SORCS2: variants seen among roughly 807,000 people sequenced by gnomAD.
The protein encoded by SORCS2 is VPS10 domain-containing receptor SorCS2.
A neutral mutation model predicts 141.6 loss-of-function variants in SORCS2; 100 were observed. The ratio of observed to expected loss-of-function variants is 0.71; its 90% CI spans 0.60 to 0.83. SORCS2 has a LOEUF of 0.83. Among genes scored for constraint, SORCS2 ranks in the 40% least tolerant of loss-of-function variants. SORCS2 has a pLI of 0.00. For missense variants in SORCS2, 1,646 were observed against 1,560.2 expected (o/e 1.05, Z -0.93); for synonymous variants, 789 against 676.9 (o/e 1.17, Z -2.57).
At chr4:7,710,422 G>GC (rs201766188) in intron 14 of SORCS2, among the ~76,000 whole-genome samples, 8,544 of 152,134 alleles carry the variant, frequency 0.056, 795 homozygotes, top group African/African-American at 0.19. Context: ...ACCAGTGGCT[G>GC]TTGCTGCTGC....
intron 2 of SORCS2, among the ~76,000 whole-genome samples, chr4:7,429,046 C>T (rs947567090): frequency 6.6e-5 from 10 of 152,072 alleles, no homozygotes; most frequent in African/African-American, 1.9e-4. Context: ...ATTTCACAGA[C>T]GAGGAAAATG....
rs995303619 is a variant in SORCS2, at chr4:7,676,156, G to T, written c.1268G>T (p.Arg423Leu). The T allele has an allele frequency of 1.3e-6, 2 of 1,561,672 alleles. No homozygotes were observed. The highest frequency in any genetic ancestry group is 3.8e-5 in the Admixed American group (2 of 52,352). Reference sequence around the variant, plus strand: ...TACCAGTCGGACCCACGGGGCGTGCGCTACGCGCTGGTGCTGCAGGACGTG... The same window carrying T: ...TACCAGTCGGACCCACGGGGCGTGCTCTACGCGCTGGTGCTGCAGGACGTG... ...NLYQSDPRGV[R>L]YALVLQDVRS... Residue 423 changes from arginine (R) to leucine (L), a missense_variant, in exon 9 of 27, where the codon CGC becomes CTC. Arg to Leu is a moderately radical substitution (Grantham distance 102, BLOSUM62 -2). Transcript: ENST00000507866.
chr4:7,216,682 CT>C (rs892654406), intron 1 of SORCS2, among the ~76,000 whole-genome samples: 1 of 152,172 alleles, frequency 6.6e-6, no homozygotes, highest in African/African-American at 2.4e-5. Flanking sequence ...CTGCCTCCCT[CT>C]TTTAAGGACC....
intron 3 of SORCS2, among the ~76,000 whole-genome samples, chr4:7,610,167 C>T (rs1032210802): frequency 6.6e-6 from 1 of 152,182 alleles, no homozygotes; most frequent in Non-Finnish European, 1.5e-5. Flanking sequence ...AACTACTGAA[C>T]AGCAAATGTG....
chr4:7,685,486 C>T (rs1006140983), intron 10 of SORCS2, among the ~76,000 whole-genome samples: 1 of 152,188 alleles, frequency 6.6e-6, no homozygotes, highest in Admixed American at 6.5e-5. Context: ...GCCTGGCCAA[C>T]ATGATGAAAC....
chr4:7,390,126 AG>A (rs1372823651), intron 1 of SORCS2, among the ~76,000 whole-genome samples: 2 of 152,180 alleles, frequency 1.3e-5, no homozygotes, highest in Admixed American at 1.3e-4. Context: ...GCGGGCTTTC[AG>A]GGGCCTTGGA....
chr4:7,623,760 T>C (rs1719353160), intron 3 of SORCS2, among the ~76,000 whole-genome samples: 1 of 152,244 alleles, frequency 6.6e-6, no homozygotes, highest in African/African-American at 2.4e-5. Context: ...CTGCCGCTTA[T>C]GCGCTTTGTC....
At chr4:7,667,701 G>A (rs950704265) in intron 8 of SORCS2, among the ~76,000 whole-genome samples, 3 of 152,188 alleles carry the variant, frequency 2.0e-5, no homozygotes, top group African/African-American at 7.2e-5. Flanking sequence ...ATGCTGCCTG[G>A]CATATAGTAG....
intron 1 of SORCS2, among the ~76,000 whole-genome samples, chr4:7,321,087 G>A (rs1718867072): frequency 6.6e-6 from 1 of 152,056 alleles, no homozygotes; most frequent in Non-Finnish European, 1.5e-5. Context: ...TATCCCTCAA[G>A]CCCGTCACTC....
At chr4:7,702,731 G>T (rs1347121567) in intron 12 of SORCS2, among the ~76,000 whole-genome samples, 2 of 152,240 alleles carry the variant, frequency 1.3e-5, no homozygotes, top group African/African-American at 4.8e-5. Flanking sequence ...GGCACAGAAG[G>T]CTCACAAGTG....
intron 1 of SORCS2, among the ~76,000 whole-genome samples, chr4:7,225,871 G>A (rs576493684): frequency 6.6e-6 from 1 of 152,318 alleles, no homozygotes; most frequent in African/African-American, 2.4e-5. Context: ...GGGGGTTCCT[G>A]CAGAGAAGGC....
At chr4:7,642,588 G>A (rs544324204) in intron 4 of SORCS2, among the ~76,000 whole-genome samples, 3 of 152,324 alleles carry the variant, frequency 2.0e-5, no homozygotes, top group African/African-American at 7.2e-5. Flanking sequence ...GCAGGGTGGT[G>A]TGGTGGAACA....
chr4:7,338,831 GC>G (rs1176093874), intron 1 of SORCS2, among the ~76,000 whole-genome samples: 1 of 152,250 alleles, frequency 6.6e-6, no homozygotes, highest in Non-Finnish European at 1.5e-5. Context: ...TGGCCCAGAG[GC>G]CTGTTTCAAA....
rs181669862 is a variant in SORCS2, at chr4:7,228,193, G to A, written c.480+35067G>A. 1.1e-4 allele frequency among the ~76,000 whole-genome samples: 16 copies of A among 152,238 alleles called. No homozygotes were observed. The East Asian group carries it at 1.5e-3, about 15-fold the overall frequency. On this transcript the variant is annotated intron_variant, in intron 1 of 26. Transcript: ENST00000507866. Reference sequence around the variant, plus strand: ...TGGCTCGCAGATGCTGTCTTCTCCCGGCATCCTCGTATGTGCCTGTGTCCT... The same window carrying A: ...TGGCTCGCAGATGCTGTCTTCTCCCAGCATCCTCGTATGTGCCTGTGTCCT...
chr4:7,503,901 G>T (rs1162829319), intron 2 of SORCS2, among the ~76,000 whole-genome samples: 3 of 152,168 alleles, frequency 2.0e-5, no homozygotes, highest in African/African-American at 7.2e-5. Context: ...GCAGCGTCGG[G>T]GGGCTGAGGT....
At chr4:7,212,804 A>T (rs1261607194) in intron 1 of SORCS2, among the ~76,000 whole-genome samples, 1 of 152,256 alleles carries the variant, frequency 6.6e-6, no homozygotes, top group East Asian at 1.9e-4. Flanking sequence ...CCAGATGAAG[A>T]TCAAGAGCTG....
In SORCS2 at chr4:7,574,485, T is replaced by C. The variant is rs375087511; in HGVS notation, c.648+42856T>C. On this transcript the variant is annotated intron_variant, in intron 3 of 26. Transcript: ENST00000507866. ...GCATGGGATTGCCTGCCGTTTCAGCTACGTGTGTGTTATGCAGAATGTCAG... is the reference window on the plus strand; with the variant it reads ...GCATGGGATTGCCTGCCGTTTCAGCCACGTGTGTGTTATGCAGAATGTCAG... Among the ~76,000 whole-genome samples the C allele has an allele frequency of 3.3e-4, 50 of 152,294 alleles. No individual in the cohort carries two copies. In the South Asian group the frequency reaches 9.9e-3, roughly 30 times the overall value.
At chr4:7,202,959 A>G (rs936556616) in intron 1 of SORCS2, among the ~76,000 whole-genome samples, 4 of 143,718 alleles carry the variant, frequency 2.8e-5, no homozygotes, top group Admixed American at 2.7e-4. Context: ...CGTCATGCCC[A>G]TTTGTCTCAT....
intron 1 of SORCS2, among the ~76,000 whole-genome samples, chr4:7,301,887 A>G (rs914791302): frequency 3.3e-5 from 5 of 152,202 alleles, no homozygotes; most frequent in Non-Finnish European, 2.9e-5. Context: ...GATAAATCCA[A>G]TATTCAGAGA....
Sources: gnomAD v4.1 joint callset for allele counts (sites outside exome capture counted in the v4.1 genomes callset) on GRCh38, gnomAD v4.1.1 for gene constraint, MANE v1.5 for transcripts, NCBI Gene and HGNC (gene_info 2026-07-23, HGNC 2026-07-21) for gene names.